SLC26A7: variants seen among roughly 807,000 people sequenced by gnomAD.
The protein encoded by SLC26A7 is solute carrier family 26 member 7.
SLC26A7 carries 59 observed loss-of-function variants against 82.5 expected under a neutral mutation model. That is an observed-to-expected ratio of 0.72 (90% confidence interval 0.58 to 0.89). SLC26A7 has a LOEUF of 0.89. Ranked by LOEUF, SLC26A7 falls within the 40% of genes least tolerant of loss-of-function variation. The pLI is 0.00. For synonymous variants in SLC26A7, 271 were observed against 274.3 expected, an observed-to-expected ratio of 0.99 and a Z score of 0.12; for missense variants, 820 against 793.0, an observed-to-expected ratio of 1.03 and a Z score of -0.41.
intron 2 of SLC26A7, among the ~76,000 whole-genome samples, chr8:91,222,913 C>A (rs966199020): frequency 7.2e-5 from 11 of 152,134 alleles, no homozygotes; most frequent in African/African-American, 2.4e-4. Context: ...AGGAATGGTA[C>A]CAGCTCCTTT....
rs61581659 is a variant in SLC26A7, at chr8:91,316,988, T to TA, written c.478-1195dup. On this transcript the variant is annotated intron_variant, in intron 4 of 18. Coordinates refer to ENST00000276609, the MANE Select transcript of SLC26A7 (RefSeq NM_052832.4). The stretch of plus-strand genomic sequence containing the variant: ...GGGCAACACAGTGAGACCCTGTCTC[T>TA]AAAAAAAAAAAAAAAAAAAAAAAAA... 1.0e-2 allele frequency among the ~76,000 whole-genome samples: 155 copies of TA among 15,540 alleles called. 23 individuals are homozygous for TA. Among genetic ancestry groups the TA allele is most frequent in the South Asian group, 0.022 (3 of 134 alleles). The allele number at this position is 15,540 out of a possible 152,430, so 10.2% of individuals were successfully genotyped here. A position where few individuals can be genotyped will look rare whatever the true frequency, so the allele number is the denominator to read the frequency against.
At chr8:91,256,415 T>C (rs2130707205) in intron 2 of SLC26A7, among the ~76,000 whole-genome samples, 1 of 152,246 alleles carries the variant, frequency 6.6e-6, no homozygotes, top group South Asian at 2.1e-4. Flanking sequence ...ATGAGTTTAC[T>C]ATACAAGGGG....
intron 15 of SLC26A7, among the ~76,000 whole-genome samples, chr8:91,378,004 G>A (rs1814564804): frequency 6.6e-6 from 1 of 151,996 alleles, no homozygotes; most frequent in Non-Finnish European, 1.5e-5. Flanking sequence ...TTTTTAGAAA[G>A]CAAGAATGGC....
At chr8:91,326,609 A>C (rs1252287352) in intron 5 of SLC26A7, among the ~76,000 whole-genome samples, 2 of 152,164 alleles carry the variant, frequency 1.3e-5, no homozygotes, top group Non-Finnish European at 2.9e-5. Context: ...TTAGGATTTG[A>C]ACATATGAAT....
At chr8:91,219,212 A>G (rs1810115477) in intron 2 of SLC26A7, 1 of 357,008 alleles carries the variant, frequency 2.8e-6, no homozygotes, top group Non-Finnish European at 5.0e-6. Flanking sequence ...TTGGCTTAAA[A>G]AAGTACAAAA....
Position 91,258,360 on chromosome 8 carries a change from G to A in SLC26A7, c.193+8516G>A, listed in dbSNP as rs547827423. ...GAACACAGCATTTTTCCTACCAAAA[G>A]TAATCCTTATCCTCCATTCTTTTTT... On this transcript the variant is annotated intron_variant, in intron 2 of 18. Transcript: ENST00000276609. 4.7e-4 allele frequency among the ~76,000 whole-genome samples: 72 copies of A among 152,100 alleles called. 2 individuals carry two copies. In the South Asian group the frequency reaches 0.015, roughly 31 times the overall value.
chr8:91,341,284 A>T (rs919410443), intron 8 of SLC26A7, among the ~76,000 whole-genome samples: 6 of 151,974 alleles, frequency 3.9e-5, no homozygotes, highest in Admixed American at 2.0e-4. Flanking sequence ...GATGATTTCC[A>T]ATTTCATCCA....
chr8:91,366,678 G>A lies in SLC26A7; in HGVS notation c.1587G>A (p.Lys529=), dbSNP rs1186319592. Residue 529 remains lysine (K), a synonymous_variant, in exon 14 of 19, where the codon AAG becomes AAA. Transcript: ENST00000276609. ...FYTDLMNMIQ[K]ENACNQPLDD... Reference sequence around the variant, plus strand: ...CTGATTTAATGAACATGATCCAAAAGGAAAATGCCTGTAATCAGCCACTTG... The same window carrying A: ...CTGATTTAATGAACATGATCCAAAAAGAAAATGCCTGTAATCAGCCACTTG... 12 of 1,613,080 alleles carry A rather than the reference G, an allele frequency of 7.4e-6. No individual in the cohort carries two copies. Among genetic ancestry groups the A allele is most frequent in the Non-Finnish European group, 9.3e-6 (11 of 1,179,742 alleles).
intron 4 of SLC26A7, among the ~76,000 whole-genome samples, chr8:91,312,332 C>T (rs554300378): frequency 1.3e-5 from 2 of 152,228 alleles, no homozygotes; most frequent in African/African-American, 4.8e-5. Context: ...TTATATACTA[C>T]ATTTTGTTTA....
Position 91,394,013 on chromosome 8 carries a change from G to A in SLC26A7, c.1909G>A (p.Ala637Thr), listed in dbSNP as rs1181969326. ...KPIFFESVSA[A>T]ISHIHSNKNL... ...AATTTTTTTTGAATCGGTATCTGCT[G>A]CAATAAGTCATATCCATTCAAATAA... The change falls in exon 18 of 19, where the codon GCA becomes ACA. Residue 637 changes from alanine (A) to threonine (T), a missense_variant. Physicochemically the swap from Ala to Thr is moderately conservative, Grantham distance 58. Transcript: ENST00000276609. 6.2e-7 allele frequency: 1 copy of A among 1,613,510 alleles called. No homozygotes were observed. The highest frequency in any genetic ancestry group is 1.1e-5 in the South Asian group (1 of 91,058).
chr8:91,302,715 C>A lies in SLC26A7; in HGVS notation c.477+7012C>A, dbSNP rs538113082. Among the ~76,000 whole-genome samples the A allele has an allele frequency of 8.0e-4, 122 of 152,106 alleles. 2 individuals are homozygous for A. Among genetic ancestry groups the A allele is most frequent in the African/African-American group, 2.9e-3 (122 of 41,522 alleles). The stretch of plus-strand genomic sequence containing the variant: ...TTTCTTGACCATTGTAATCCCACTC[C>A]GTTAGCTCCCCTCCTCACACACTGA... On this transcript the variant is annotated intron_variant, in intron 4 of 18. Transcript: ENST00000276609.
At chr8:91,371,376 C>T (rs1042469353) in intron 15 of SLC26A7, among the ~76,000 whole-genome samples, 2 of 151,636 alleles carry the variant, frequency 1.3e-5, no homozygotes, top group African/African-American at 2.4e-5. Flanking sequence ...AGTTTTTCAA[C>T]TTTCTCCTCA....
intron 5 of SLC26A7, among the ~76,000 whole-genome samples, chr8:91,331,226 C>T (rs1813071861): frequency 6.6e-6 from 1 of 152,106 alleles, no homozygotes; most frequent in Non-Finnish European, 1.5e-5. Context: ...GGGGGCCACA[C>T]AACTGAGCCC....
chr8:91,291,140 G>A (rs965098758), intron 3 of SLC26A7, among the ~76,000 whole-genome samples: 2 of 152,076 alleles, frequency 1.3e-5, no homozygotes, highest in Non-Finnish European at 2.9e-5. Flanking sequence ...AATTTATTAA[G>A]AGCTTTACAT....
intron 5 of SLC26A7, among the ~76,000 whole-genome samples, chr8:91,322,487 T>C (rs1164017397): frequency 6.6e-6 from 1 of 152,242 alleles, no homozygotes; most frequent in Admixed American, 6.5e-5. Context: ...CTCACACAGA[T>C]AAGAAGAAAA....
chr8:91,330,194 C>T (rs192218717), intron 5 of SLC26A7, among the ~76,000 whole-genome samples: 4 of 152,030 alleles, frequency 2.6e-5, no homozygotes, highest in East Asian at 1.9e-4. Flanking sequence ...GGATAGCCTG[C>T]GTTATGCTAA....
At chr8:91,285,518 T>A (rs909264016) in intron 2 of SLC26A7, among the ~76,000 whole-genome samples, 2 of 152,224 alleles carry the variant, frequency 1.3e-5, no homozygotes, top group Non-Finnish European at 2.9e-5. Context: ...CCAAATAAGA[T>A]CACATTCTGA....
At chr8:91,313,844 A>T (rs1219736130) in intron 4 of SLC26A7, among the ~76,000 whole-genome samples, 1 of 152,244 alleles carries the variant, frequency 6.6e-6, no homozygotes, top group Non-Finnish European at 1.5e-5. Flanking sequence ...ACTAACCAAC[A>T]TAACCTAAAA....
In SLC26A7 at chr8:91,336,670, G is replaced by A. The variant is rs144524179; in HGVS notation, c.796-1480G>A. 2.4e-3 allele frequency among the ~76,000 whole-genome samples: 362 copies of A among 152,182 alleles called. 1 individual carries two copies. The highest frequency in any genetic ancestry group is 8.2e-3 in the African/African-American group (340 of 41,520). ...TAAGGGCAGTATTGGCCTTATACAC[G>A]CATATTGAATTAATATTGAAGAAGG... On this transcript the variant is annotated intron_variant, in intron 6 of 18. Coordinates refer to ENST00000276609, the MANE Select transcript of SLC26A7 (RefSeq NM_052832.4).
Sources: allele counts gnomAD v4.1 joint callset (sites outside exome capture counted in the v4.1 genomes callset), GRCh38; gene constraint gnomAD v4.1.1; transcripts MANE v1.5; gene names NCBI Gene and HGNC (gene_info 2026-07-23, HGNC 2026-07-21).